Variants in FNTA observed in about 807,000 individuals in gnomAD.
FNTA encodes the protein farnesyltransferase, CAAX box, subunit alpha.
In FNTA, 27 loss-of-function variants were observed where a neutral mutation model predicts 55.2. The observed-to-expected ratio is 0.49, with a 90% CI of 0.36 to 0.67. FNTA has a LOEUF of 0.67. Ranked by LOEUF, FNTA falls within the 30% of genes least tolerant of loss-of-function variation. The pLI is 0.00. For synonymous variants in FNTA, 176 were observed against 170.7 expected (o/e 1.03, Z -0.24); for missense variants, 422 against 464.7 (o/e 0.91, Z 0.85).
chr8:43,062,203 A>G (rs1810550123), intron 2 of FNTA, among the ~76,000 whole-genome samples: 2 of 134,874 alleles, frequency 1.5e-5, no homozygotes, highest in South Asian at 2.4e-4. Flanking sequence ...GTGTGTGTGT[A>G]AGATAATGTA....
At chr8:43,060,876 A>G (rs1183999583) in intron 2 of FNTA, among the ~76,000 whole-genome samples, 1 of 152,166 alleles carries the variant, frequency 6.6e-6, no homozygotes, top group Non-Finnish European at 1.5e-5. Context: ...CAGGATCCAT[A>G]TTAAAACTGA....
intron 5 of FNTA, among the ~76,000 whole-genome samples, chr8:43,073,298 A>C (rs1810836675): frequency 6.6e-6 from 1 of 152,254 alleles, no homozygotes; most frequent in Non-Finnish European, 1.5e-5. Flanking sequence ...TCCATCTTCC[A>C]CAATAGATTA....
At chr8:43,083,669 A>G (rs1181192408) in intron 7 of FNTA, among the ~76,000 whole-genome samples, 1 of 152,198 alleles carries the variant, frequency 6.6e-6, no homozygotes, top group Admixed American at 6.5e-5. Context: ...AGAGGTCTTC[A>G]AGGAAACTAG....
Position 43,084,755 on chromosome 8 carries a change from T to A in FNTA, c.891T>A (p.Asn297Lys). The change falls in exon 8 of 9, where the codon AAT becomes AAA. Residue 297 changes from asparagine to lysine, a missense_variant. By Grantham distance (94) the Asn-to-Lys change is moderately conservative. Coordinates refer to ENST00000302279, the MANE Select transcript of FNTA (RefSeq NM_002027.3). ...RGLSKYPNLL[N>K]QLLDLQPSHS... ...TTTCCAAATATCCTAATCTGTTAAA[T>A]CAATTACTTGATTTACAACCAAGTC... 1.2e-6 allele frequency: 2 copies of A among 1,613,608 alleles called. No individual in the cohort carries two copies. The highest frequency in any genetic ancestry group is 1.7e-6 in the Non-Finnish European group (2 of 1,179,756).
Position 43,072,257 on chromosome 8 carries a change from C to G in FNTA, c.583C>G (p.Gln195Glu), listed in dbSNP as rs748697661. Residue 195 changes from glutamine (Q) to glutamate (E), a missense_variant, in exon 5 of 9, where the codon CAG (glutamine) becomes GAG (glutamate). This residue lies in a region of FNTA where 262 missense variants were observed against 343.1 expected (regional missense o/e 0.76). Coordinates refer to ENST00000302279, the MANE Select transcript of FNTA (RefSeq NM_002027.3). ...ELEFIADILN[Q>E]DAKNYHAWQH... ...TGAATTTATTGCTGATATTCTTAAT[C>G]AGGATGCAAAGAATTATCATGCCTG... 1 of 1,589,200 alleles carries G rather than the reference C, an allele frequency of 6.3e-7. No homozygotes were observed. Among genetic ancestry groups the G allele is most frequent in the Non-Finnish European group, 8.6e-7 (1 of 1,166,454 alleles).
chr8:43,085,354 G>A lies in FNTA; in HGVS notation c.*72G>A. On this transcript the variant is annotated 3_prime_UTR_variant, in exon 9 of 9. Coordinates refer to ENST00000302279, the MANE Select transcript of FNTA (RefSeq NM_002027.3). ...GACCCTGCAGGAGTTTCACACGAGA[G>A]TGGTCCTTCCCTTTGCCTGTGGTGT... The A allele has an allele frequency of 7.0e-7, 1 of 1,436,628 alleles. No homozygotes were observed. Among genetic ancestry groups the A allele is most frequent in the Non-Finnish European group, 9.6e-7 (1 of 1,040,354 alleles). 89.0% of individuals were successfully genotyped at this position (1,436,628 alleles called of 1,614,324 possible). A position where few individuals can be genotyped will look rare whatever the true frequency, so the allele number is the denominator to read the frequency against.
intron 3 of FNTA, among the ~76,000 whole-genome samples, chr8:43,067,625 T>G (rs967930568): frequency 3.3e-5 from 5 of 151,980 alleles, no homozygotes; most frequent in Admixed American, 1.3e-4. Context: ...GGGCTTATAT[T>G]TACATGCTCT....
intron 2 of FNTA, among the ~76,000 whole-genome samples, chr8:43,063,539 C>CA (rs1306750023): frequency 6.6e-6 from 1 of 151,958 alleles, no homozygotes; most frequent in Non-Finnish European, 1.5e-5. Context: ...ATGCAAAGCT[C>CA]AGAGTGTGAT....
At chr8:43,074,877 T>C (rs1187008421) in intron 5 of FNTA, among the ~76,000 whole-genome samples, 4 of 152,186 alleles carry the variant, frequency 2.6e-5, no homozygotes, top group Non-Finnish European at 5.9e-5. Flanking sequence ...AGAATTATAT[T>C]CTACCCCCAC....
intron 3 of FNTA, among the ~76,000 whole-genome samples, chr8:43,064,768 C>G (rs1245708127): frequency 2.0e-5 from 3 of 152,094 alleles, no homozygotes; most frequent in African/African-American, 7.2e-5. Context: ...TTGAATTAAC[C>G]TCCATATTCT....
chr8:43,066,676 C>CA (rs1810668218), intron 3 of FNTA, among the ~76,000 whole-genome samples: 2 of 151,574 alleles, frequency 1.3e-5, no homozygotes, highest in East Asian at 3.9e-4. Context: ...ATATTTTTCT[C>CA]AAATGGTTGG....
rs372315486 is a variant in FNTA, at chr8:43,066,397, C to T, written c.401+2182C>T. Among the ~76,000 whole-genome samples the T allele has an allele frequency of 3.3e-5, 5 of 150,694 alleles. 1 individual carries two copies. The highest frequency in any genetic ancestry group is 1.2e-4 in the African/African-American group (5 of 40,228). ...TCAGCCTCCCGAGTAGCTGGGACTA[C>T]GGACGCCTGCCACCACTCCCAGCTA... is the stretch of plus-strand genomic sequence containing the variant. On this transcript the variant is annotated intron_variant, in intron 3 of 8. Coordinates refer to ENST00000302279, the MANE Select transcript of FNTA (RefSeq NM_002027.3).
intron 3 of FNTA, among the ~76,000 whole-genome samples, chr8:43,065,235 C>T (rs998300949): frequency 6.6e-6 from 1 of 151,830 alleles, no homozygotes; most frequent in African/African-American, 2.4e-5. Flanking sequence ...TTCATGCTGA[C>T]ACACTTTTTT....
At position 43,069,613 on chromosome 8, in the gene FNTA, T is replaced by A; in HGVS notation, c.460T>A (p.Tyr154Asn). The A allele has an allele frequency of 6.2e-7, 1 of 1,613,670 alleles. No homozygotes were observed. The highest frequency in any genetic ancestry group is 8.5e-7 in the Non-Finnish European group (1 of 1,179,612). Residue 154 changes from tyrosine to asparagine, a missense_variant, in exon 4 of 9, where the codon TAC (tyrosine) becomes AAC (asparagine). By Grantham distance (143) the Tyr-to-Asn change is moderately radical. Around this residue, in one of 2 missense-constraint regions of FNTA, gnomAD observed 262 missense variants for 343.1 expected, o/e 0.76. Transcript: ENST00000302279. ...LQKDLHEEMNYITAIIEEQPK... is the reference protein window; with the variant it reads ...LQKDLHEEMNNITAIIEEQPK... ...GAAGGATCTACATGAGGAAATGAAC[T>A]ACATCACTGCAATAATTGAGGAGCA...
intron 5 of FNTA, among the ~76,000 whole-genome samples, chr8:43,075,398 C>A (rs572559218): frequency 6.6e-6 from 1 of 152,142 alleles, no homozygotes; most frequent in Admixed American, 6.5e-5. Context: ...ACTCCATTAT[C>A]TTTTTTATAA....
chr8:43,073,191 A>G (rs1810834441), intron 5 of FNTA, among the ~76,000 whole-genome samples: 2 of 152,226 alleles, frequency 1.3e-5, no homozygotes. Context: ...TCCAAATTTG[A>G]TTAAAAGGAT....
At chr8:43,070,950 C>CTAG (rs1463085568) in intron 4 of FNTA, among the ~76,000 whole-genome samples, 7 of 152,184 alleles carry the variant, frequency 4.6e-5, no homozygotes, top group South Asian at 2.1e-4. Flanking sequence ...TAAAATCCAG[C>CTAG]TAGTGTTCAC....
chr8:43,059,813 T>C (rs1726532052), intron 2 of FNTA, among the ~76,000 whole-genome samples: 2 of 148,610 alleles, frequency 1.3e-5, no homozygotes, highest in South Asian at 2.1e-4. Flanking sequence ...GCATTTTTTT[T>C]CTGCTAATAA....
At chr8:43,065,529 G>A (rs1337444450) in intron 3 of FNTA, among the ~76,000 whole-genome samples, 1 of 152,120 alleles carries the variant, frequency 6.6e-6, no homozygotes, top group East Asian at 1.9e-4. Flanking sequence ...TTATAGGCGT[G>A]AGCCACTGTG....
Sources: allele counts gnomAD v4.1 joint callset (sites outside exome capture counted in the v4.1 genomes callset), GRCh38; gene constraint gnomAD v4.1.1; regional missense constraint gnomAD v4.1.1; transcripts MANE v1.5; gene names NCBI Gene and HGNC (gene_info 2026-07-23, HGNC 2026-07-21).